Variants in CDH8 observed in about 807,000 individuals in gnomAD.
CDH8 encodes cadherin 8.
A neutral mutation model predicts 68.1 loss-of-function variants in CDH8; 17 were observed. The ratio of observed to expected loss-of-function variants is 0.25; its 90% CI spans 0.17 to 0.37. The LOEUF (loss-of-function observed/expected upper bound fraction) is 0.37, where lower values mean the gene tolerates loss of function less well. CDH8 is among the 10% of genes least tolerant of loss of function. CDH8 has a pLI of 1.00. For synonymous variants in CDH8, 372 were observed against 365.1 expected (o/e 1.02, Z -0.21); for missense variants, 763 against 999.3 (o/e 0.76, Z 3.19).
rs1567410654 is a variant in CDH8, at chr16:61,665,803, C to CCTTCCTTCCTTT, written c.1655-10083_1655-10082insAAAGGAAGGAAG. On this transcript the variant is annotated intron_variant, in intron 10 of 11. Coordinates refer to ENST00000577390, the MANE Select transcript of CDH8 (RefSeq NM_001796.5). ...TCCTTCCTTCCTTCCTTCCTTCCTT[C>CCTTCCTTCCTTT]CTTTCCCTCCTTCCTTCCTTCTCTC... 4.7e-4 allele frequency among the ~76,000 whole-genome samples: 55 copies of CCTTCCTTCCTTT among 117,688 alleles called. 1 individual carries two copies. Among genetic ancestry groups the CCTTCCTTCCTTT allele is most frequent in the Non-Finnish European group, 3.5e-4 (19 of 54,604 alleles). 77.2% of individuals were successfully genotyped at this position (117,688 alleles called of 152,430 possible).
At chr16:61,799,854 T>C (rs2142996728) in intron 7 of CDH8, among the ~76,000 whole-genome samples, 1 of 152,332 alleles carries the variant, frequency 6.6e-6, no homozygotes, top group Non-Finnish European at 1.5e-5. Context: ...TAAGGAGTTT[T>C]GGTAAATACT....
intron 5 of CDH8, among the ~76,000 whole-genome samples, chr16:61,822,954 C>T (rs1178704013): frequency 6.6e-6 from 1 of 151,884 alleles, no homozygotes; most frequent in Non-Finnish European, 1.5e-5. Context: ...AGAAAAGGCA[C>T]ACGTTTGAAA....
intron 10 of CDH8, among the ~76,000 whole-genome samples, chr16:61,697,192 A>G (rs1269895853): frequency 6.6e-6 from 1 of 152,158 alleles, no homozygotes; most frequent in East Asian, 1.9e-4. Flanking sequence ...TTTTCTGAAA[A>G]TAAGACAAGG....
At chr16:61,717,459 T>C (rs1286132829) in intron 9 of CDH8, among the ~76,000 whole-genome samples, 1 of 151,770 alleles carries the variant, frequency 6.6e-6, no homozygotes, top group South Asian at 2.1e-4. Flanking sequence ...AAATCTTTCA[T>C]TGTTTATCAA....
chr16:61,916,341 C>T (rs1235618357), intron 2 of CDH8, among the ~76,000 whole-genome samples: 2 of 151,966 alleles, frequency 1.3e-5, no homozygotes, highest in Admixed American at 1.3e-4. Flanking sequence ...TGGTGAAACC[C>T]CTGTCTCTAC....
intron 2 of CDH8, among the ~76,000 whole-genome samples, chr16:61,914,073 G>C (rs2143340035): frequency 6.6e-6 from 1 of 152,270 alleles, no homozygotes; most frequent in East Asian, 1.9e-4. Flanking sequence ...GACCCATATA[G>C]AGAGAGCAGG....
chr16:61,992,972 G>A (rs568487687), intron 2 of CDH8, among the ~76,000 whole-genome samples: 50 of 152,174 alleles, frequency 3.3e-4, no homozygotes, highest in Middle Eastern at 3.4e-3. Context: ...GTGTATGGAG[G>A]TGGGGTCTCA....
At chr16:61,657,607 A>G (rs543414164) in intron 10 of CDH8, among the ~76,000 whole-genome samples, 3 of 152,236 alleles carry the variant, frequency 2.0e-5, no homozygotes, top group African/African-American at 7.2e-5. Context: ...GTTGTGTTAT[A>G]TTTTCAGAAA....
At chr16:61,868,516 G>C (rs1018716839) in intron 3 of CDH8, among the ~76,000 whole-genome samples, 1 of 152,074 alleles carries the variant, frequency 6.6e-6, no homozygotes, top group Non-Finnish European at 1.5e-5. Context: ...TGTCTTCTTA[G>C]AGTTGAACCC....
intron 7 of CDH8, among the ~76,000 whole-genome samples, chr16:61,815,724 G>A (rs1426438488): frequency 6.6e-6 from 1 of 151,992 alleles, no homozygotes; most frequent in Non-Finnish European, 1.5e-5. Flanking sequence ...TCCTCTGATT[G>A]GTGTCTCAGT....
At chr16:62,014,275 A>G (rs534512153) in intron 2 of CDH8, among the ~76,000 whole-genome samples, 4 of 152,182 alleles carry the variant, frequency 2.6e-5, no homozygotes, top group Non-Finnish European at 4.4e-5. Context: ...CTTTATTTAT[A>G]TTATTTATAT....
At position 61,783,343 on chromosome 16, in the gene CDH8, G is replaced by A. The variant is rs1325789906; in HGVS notation, c.1414+6003C>T. Among the ~76,000 whole-genome samples the A allele has an allele frequency of 6.5e-4, 90 of 139,498 alleles. 2 individuals carry two copies. Among genetic ancestry groups the A allele is most frequent in the African/African-American group, 2.4e-3 (87 of 36,004 alleles). 91.5% of individuals were successfully genotyped at this position (139,498 alleles called of 152,430 possible). ...ACTGGAAGAAAGGGTATCAGCAATG[G>A]AAGATGAAATGAATGAAATGAAGCG... On this transcript the variant is annotated intron_variant, in intron 8 of 11. Coordinates refer to ENST00000577390, the MANE Select transcript of CDH8 (RefSeq NM_001796.5).
chr16:61,680,135 TCTC>T (rs1963986409), intron 10 of CDH8, among the ~76,000 whole-genome samples: 1 of 151,870 alleles, frequency 6.6e-6, no homozygotes, highest in Admixed American at 6.6e-5. Context: ...CCAAATCTGT[TCTC>T]CTCACTACAT....
intron 3 of CDH8, among the ~76,000 whole-genome samples, chr16:61,863,937 G>A (rs529606582): frequency 3.8e-4 from 58 of 152,204 alleles, no homozygotes; most frequent in African/African-American, 1.3e-3. Flanking sequence ...ATGCAACTGC[G>A]TTCATTTATT....
At chr16:61,780,312 T>C (rs1278611365) in intron 8 of CDH8, among the ~76,000 whole-genome samples, 3 of 152,182 alleles carry the variant, frequency 2.0e-5, no homozygotes, top group Non-Finnish European at 2.9e-5. Flanking sequence ...TGCCAGCTCA[T>C]GTGATAAGAT....
chr16:61,875,519 C>T (rs935844850), intron 3 of CDH8, among the ~76,000 whole-genome samples: 8 of 152,154 alleles, frequency 5.3e-5, no homozygotes, highest in African/African-American at 1.9e-4. Context: ...ACAGAGGTAT[C>T]ATCTATAACC....
intron 7 of CDH8, among the ~76,000 whole-genome samples, chr16:61,814,931 T>C (rs1962038660): frequency 6.6e-6 from 1 of 152,184 alleles, no homozygotes; most frequent in South Asian, 2.1e-4. Context: ...TTGAAAAATA[T>C]GGTTTGTGAT....
chr16:61,684,983 A>G (rs146475686), intron 10 of CDH8, among the ~76,000 whole-genome samples: 37 of 151,966 alleles, frequency 2.4e-4, no homozygotes. Context: ...TACTGTCAAT[A>G]TTTAAGTTAC....
rs370329874 is a variant in CDH8 at position 61,960,002 on chromosome 16, A to C, written c.253-58529T>G. On this transcript the variant is annotated intron_variant, in intron 2 of 11. Coordinates refer to ENST00000577390, the MANE Select transcript of CDH8 (RefSeq NM_001796.5). Reference sequence around the variant, plus strand: ...TGTGTGTGTATATATATATATATATATATATATATATATACACACATACAC... The same window carrying C: ...TGTGTGTGTATATATATATATATATCTATATATATATATACACACATACAC... Among the ~76,000 whole-genome samples the C allele has an allele frequency of 2.4e-5, 2 of 82,634 alleles. 1 individual carries two copies. Among genetic ancestry groups the C allele is most frequent in the Non-Finnish European group, 4.3e-5 (2 of 46,358 alleles). 54.2% of individuals were successfully genotyped at this position (82,634 alleles called of 152,430 possible). A position where few individuals can be genotyped will look rare whatever the true frequency, so the allele number is the denominator to read the frequency against.
Sources: allele counts gnomAD v4.1 joint callset (sites outside exome capture counted in the v4.1 genomes callset), GRCh38; gene constraint gnomAD v4.1.1; transcripts MANE v1.5; gene names NCBI Gene and HGNC (gene_info 2026-07-23, HGNC 2026-07-21).